RFX4: variants seen among roughly 807,000 people sequenced by gnomAD.
The protein encoded by RFX4 is transcription factor RFX4.
A neutral mutation model predicts 95.0 loss-of-function variants in RFX4; 10 were observed. The observed-to-expected ratio is 0.11, with a 90% confidence interval of 0.06 to 0.18. RFX4 has a LOEUF of 0.18. Among genes scored for constraint, RFX4 ranks in the 10% least tolerant of loss-of-function variants. The pLI is 1.00. For synonymous variants in RFX4, 321 were observed against 340.7 expected, an observed-to-expected ratio of 0.94 and a Z score of 0.64; for missense variants, 640 against 922.0, an observed-to-expected ratio of 0.69 and a Z score of 3.96.
At chr12:106,665,355 TA>T (rs2041155277) in intron 4 of RFX4, among the ~76,000 whole-genome samples, 1 of 151,988 alleles carries the variant, frequency 6.6e-6, no homozygotes, top group African/African-American at 2.4e-5. Flanking sequence ...TCCATCCATT[TA>T]CTTTTAATCT....
chr12:106,658,004 A>G (rs2040994431), intron 4 of RFX4, among the ~76,000 whole-genome samples: 1 of 152,172 alleles, frequency 6.6e-6, no homozygotes, highest in African/African-American at 2.4e-5. Flanking sequence ...AGCATTATAT[A>G]TACGTAATGA....
intron 1 of RFX4, among the ~76,000 whole-genome samples, chr12:106,605,457 C>T (rs17038571): frequency 0.1 from 15,525 of 152,142 alleles, 981 homozygotes; most frequent in Middle Eastern, 0.14. Flanking sequence ...ATCCAAGGCC[C>T]GAATCTGGTT....
chr12:106,594,538 G>T (rs928495920), intron 1 of RFX4, among the ~76,000 whole-genome samples: 1 of 152,160 alleles, frequency 6.6e-6, no homozygotes, highest in African/African-American at 2.4e-5. Flanking sequence ...GTTTCCTCTG[G>T]GTGCCCAGGC....
intron 8 of RFX4, among the ~76,000 whole-genome samples, chr12:106,700,407 T>TTC (rs1555232353): frequency 2.8e-5 from 4 of 142,832 alleles, no homozygotes; most frequent in Non-Finnish European, 6.2e-5. Flanking sequence ...CTTTTTCTTT[T>TTC]TTTTTTTTTT....
intron 1 of RFX4, among the ~76,000 whole-genome samples, chr12:106,597,585 C>T (rs1451459021): frequency 6.6e-6 from 1 of 152,198 alleles, no homozygotes; most frequent in Non-Finnish European, 1.5e-5. Flanking sequence ...AGATGAAGAA[C>T]CGAAGGCTCA....
intron 15 of RFX4, among the ~76,000 whole-genome samples, chr12:106,742,305 G>T (rs1479569586): frequency 6.6e-6 from 1 of 152,110 alleles, no homozygotes; most frequent in Non-Finnish European, 1.5e-5. Context: ...TCCCGCCTCA[G>T]CTTCCCAAGT....
chr12:106,716,691 G>A (rs1003448365), intron 11 of RFX4, among the ~76,000 whole-genome samples: 3 of 151,948 alleles, frequency 2.0e-5, no homozygotes, highest in Non-Finnish European at 4.4e-5. Flanking sequence ...TTTTCCCCTG[G>A]TAAGAATTTT....
intron 2 of RFX4, among the ~76,000 whole-genome samples, chr12:106,627,027 C>T (rs2040315672): frequency 6.6e-6 from 1 of 152,206 alleles, no homozygotes; most frequent in Admixed American, 6.5e-5. Flanking sequence ...CCCGTTCCCT[C>T]TGCCCTTTCA....
rs181309606 is a variant in RFX4 at position 106,603,463 on chromosome 12, C to T, written c.44-5334C>T. Among the ~76,000 whole-genome samples the T allele has an allele frequency of 6.6e-5, 10 of 152,324 alleles. No homozygotes were observed. In the East Asian group the frequency reaches 1.5e-3, roughly 23 times the overall value. ...CCTCTAAGGTATGTGGGCTGAACTCCCTGAAAGTGAAAATCCATAGGCATT... is the reference window on the plus strand; with the variant it reads ...CCTCTAAGGTATGTGGGCTGAACTCTCTGAAAGTGAAAATCCATAGGCATT... On this transcript the variant is annotated intron_variant, in intron 1 of 17. Transcript: ENST00000392842.
chr12:106,623,321 C>T (rs764359089), intron 2 of RFX4, among the ~76,000 whole-genome samples: 1 of 152,036 alleles, frequency 6.6e-6, no homozygotes, highest in East Asian at 1.9e-4. Flanking sequence ...CTGTGCCTGA[C>T]CCAGCATTAG....
chr12:106,647,206 T>C (rs1398657433), intron 3 of RFX4, among the ~76,000 whole-genome samples: 2 of 152,186 alleles, frequency 1.3e-5, no homozygotes, highest in Admixed American at 6.5e-5. Context: ...TAGTAGGTGC[T>C]CAATAAATGT....
chr12:106,704,884 G>A (rs1411460819), intron 8 of RFX4, among the ~76,000 whole-genome samples: 1 of 152,074 alleles, frequency 6.6e-6, no homozygotes, highest in African/African-American at 2.4e-5. Context: ...AGTCAAAGAG[G>A]CAAAGAAAAG....
At chr12:106,713,372 C>T (rs573569780) in intron 10 of RFX4, among the ~76,000 whole-genome samples, 1 of 152,242 alleles carries the variant, frequency 6.6e-6, no homozygotes, top group African/African-American at 2.4e-5. Flanking sequence ...CTTAGTGGTA[C>T]TTGCCCTCAG....
At chr12:106,735,605 T>C (rs2042695437) in intron 15 of RFX4, among the ~76,000 whole-genome samples, 1 of 152,206 alleles carries the variant, frequency 6.6e-6, no homozygotes, top group African/African-American at 2.4e-5. Flanking sequence ...CCTGAAACCA[T>C]ACTTTTGAAG....
At chr12:106,723,071 A>G (rs1320197683) in intron 13 of RFX4, among the ~76,000 whole-genome samples, 3 of 152,190 alleles carry the variant, frequency 2.0e-5, no homozygotes, top group African/African-American at 7.2e-5. Context: ...GAATATCACA[A>G]TGATCCTGTA....
intron 3 of RFX4, among the ~76,000 whole-genome samples, chr12:106,644,928 C>T (rs897626742): frequency 6.6e-6 from 1 of 152,130 alleles, no homozygotes; most frequent in African/African-American, 2.4e-5. Context: ...CTAAGGCGCC[C>T]GCCACCCGCC....
chr12:106,686,873 T>C lies in RFX4; in HGVS notation c.378-11T>C, dbSNP rs544799038. ...TTTTTCTCTCTCTCCCTCCCTCCCC[T>C]TGTGGCCCAGGTACCATTACTATGG... is the stretch of plus-strand genomic sequence containing the variant. On this transcript the variant is annotated splice_polypyrimidine_tract_variant and intron_variant, in intron 5 of 17. Coordinates refer to ENST00000392842, the MANE Select transcript of RFX4 (RefSeq NM_213594.3). 5 of 1,601,374 alleles carry C rather than the reference T, an allele frequency of 3.1e-6. No homozygotes were observed. Among genetic ancestry groups the C allele is most frequent in the Admixed American group, 3.3e-5 (2 of 59,772 alleles).
intron 2 of RFX4, among the ~76,000 whole-genome samples, chr12:106,619,119 T>A (rs2040129507): frequency 6.6e-6 from 1 of 152,160 alleles, no homozygotes; most frequent in African/African-American, 2.4e-5. Context: ...CAAGGCATAA[T>A]TATTATTGTT....
intron 1 of RFX4, chr12:106,583,581 A>AGTGT (rs1210256864): frequency 1.2e-5 from 5 of 407,074 alleles, no homozygotes; most frequent in Non-Finnish European, 2.1e-5. Flanking sequence ...TACGTGTGTG[A>AGTGT]GTGTGTGTGC....
Sources: allele counts gnomAD v4.1 joint callset (sites outside exome capture counted in the v4.1 genomes callset), GRCh38; gene constraint gnomAD v4.1.1; transcripts MANE v1.5; gene names NCBI Gene and HGNC (gene_info 2026-07-23, HGNC 2026-07-21).